Variants in DPH6 observed in about 807,000 individuals in gnomAD.
DPH6 encodes diphthamine biosynthesis 6, also known as diphthine--ammonia ligase.
Under a neutral mutation model 38.2 loss-of-function variants are expected in DPH6, and 33 were observed. That is an observed-to-expected ratio of 0.86 (90% confidence interval 0.65 to 1.15). The LOEUF (loss-of-function observed/expected upper bound fraction) is 1.15. Ranked by LOEUF, DPH6 falls within the 50% of genes most tolerant of loss-of-function variation. The pLI, the probability that DPH6 is intolerant of heterozygous loss-of-function variation, is 0.00. For synonymous variants in DPH6, 108 were observed against 103.0 expected, an observed-to-expected ratio of 1.05 and a Z score of -0.30; for missense variants, 325 against 320.0, an observed-to-expected ratio of 1.02 and a Z score of -0.12.
downstream of DPH6, among the ~76,000 whole-genome samples, chr15:35,216,344 T>C (rs986116232): frequency 3.9e-5 from 6 of 152,258 alleles, no homozygotes; most frequent in African/African-American, 1.4e-4. Context: ...TGATAGTATA[T>C]AGATTTGTTT....
At chr15:35,150,798 C>T in the DPH6 span, among the ~76,000 whole-genome samples, 2 of 152,148 alleles carry the variant, frequency 1.3e-5, no homozygotes, top group Non-Finnish European at 2.9e-5. Context: ...GATTTAGATG[C>T]TACTCGAAAG....
At chr15:35,542,966 A>ATATATATAT (rs60056293) in intron 1 of DPH6, among the ~76,000 whole-genome samples, 40 of 65,800 alleles carry the variant, frequency 6.1e-4, no homozygotes, top group Non-Finnish European at 7.8e-4. Flanking sequence ...ATATATATAT[A>ATATATATAT]AAATAATTTC....
At chr15:35,477,174 T>C (rs2141139903) in intron 3 of DPH6, among the ~76,000 whole-genome samples, 1 of 151,792 alleles carries the variant, frequency 6.6e-6, no homozygotes, top group East Asian at 1.9e-4. Context: ...ACCCTAGAGG[T>C]TTACTGCTAG....
chr15:35,151,726 C>G, the DPH6 span, among the ~76,000 whole-genome samples: 3 of 152,162 alleles, frequency 2.0e-5, no homozygotes, highest in Non-Finnish European at 4.4e-5. Flanking sequence ...CTGGGCCACC[C>G]TTGACCCTGA....
chr15:35,237,705 A>C, intron 3 of DPH6: 1 of 1,613,672 alleles, frequency 6.2e-7, no homozygotes, highest in Non-Finnish European at 8.5e-7. Context: ...GAGGTAACCA[A>C]CCTGAACGAC....
intron 3 of DPH6, among the ~76,000 whole-genome samples, chr15:35,488,044 C>G (rs2054428242): frequency 6.6e-6 from 1 of 152,140 alleles, no homozygotes; most frequent in Non-Finnish European, 1.5e-5. Context: ...CTTTGTAAAG[C>G]ATAGAAAGAA....
intron 6 of DPH6, among the ~76,000 whole-genome samples, chr15:35,385,485 G>A (rs2052939015): frequency 6.6e-6 from 1 of 152,088 alleles, no homozygotes; most frequent in Non-Finnish European, 1.5e-5. Context: ...GATGAAGCTG[G>A]AAACCATTCT....
intron 3 of DPH6, among the ~76,000 whole-genome samples, chr15:35,223,079 T>C (rs944607653): frequency 6.6e-6 from 1 of 152,194 alleles, no homozygotes; most frequent in Non-Finnish European, 1.5e-5. Context: ...TTAGTTTGCT[T>C]TGTGCTGCTA....
At chr15:35,483,735 T>C (rs1050593675) in intron 3 of DPH6, among the ~76,000 whole-genome samples, 18 of 152,340 alleles carry the variant, frequency 1.2e-4, no homozygotes, top group Admixed American at 1.2e-3. Context: ...ATAACTTATA[T>C]GTGAACATTC....
intron 6 of DPH6, chr15:35,401,199 C>G (rs2140977361): frequency 8.2e-7 from 1 of 1,217,736 alleles, no homozygotes; most frequent in Non-Finnish European, 1.2e-6. Flanking sequence ...CCCTGTCAAA[C>G]CAAGAGATGG....
At chr15:35,188,758 C>T in the DPH6 span, among the ~76,000 whole-genome samples, 1 of 152,008 alleles carries the variant, frequency 6.6e-6, no homozygotes, top group African/African-American at 2.4e-5. Context: ...GTGGTTCAAA[C>T]GTGAAGTCCC....
At chr15:35,496,591 T>TATATATATATATATATATATATATA (rs1595417564) in intron 3 of DPH6, among the ~76,000 whole-genome samples, 3 of 119,864 alleles carry the variant, frequency 2.5e-5, no homozygotes, top group Admixed American at 8.4e-5. Context: ...TATATATATA[T>TATATATATATATATATATATATATA]CCTCTACCAA....
At chr15:35,478,007 A>G (rs1032471654) in intron 3 of DPH6, among the ~76,000 whole-genome samples, 3 of 151,972 alleles carry the variant, frequency 2.0e-5, no homozygotes, top group African/African-American at 7.2e-5. Context: ...ATGATTAAAT[A>G]GCACACAGAG....
chr15:35,171,680 A>T, the DPH6 span, among the ~76,000 whole-genome samples: 1 of 151,926 alleles, frequency 6.6e-6, no homozygotes, highest in Middle Eastern at 3.2e-3. Context: ...CCCTATCAGT[A>T]ATGCTGGGGA....
chr15:35,474,156 G>C (rs2054236519), intron 3 of DPH6, among the ~76,000 whole-genome samples: 1 of 151,990 alleles, frequency 6.6e-6, no homozygotes, highest in Non-Finnish European at 1.5e-5. Context: ...CATCAACAAT[G>C]GCAAAATCCT....
At chr15:35,187,461 A>T in the DPH6 span, among the ~76,000 whole-genome samples, 1 of 152,162 alleles carries the variant, frequency 6.6e-6, no homozygotes, top group Non-Finnish European at 1.5e-5. Flanking sequence ...GATTTTTTTT[A>T]GTGGTAATTG....
chr15:35,286,900 C>G (rs183841671), intron 3 of DPH6, among the ~76,000 whole-genome samples: 1 of 152,216 alleles, frequency 6.6e-6, no homozygotes, highest in East Asian at 1.9e-4. Flanking sequence ...AAACTTCTGA[C>G]CAAGGCAAAT....
chr15:35,423,507 C>G (rs1381645267), intron 5 of DPH6, among the ~76,000 whole-genome samples: 1 of 151,608 alleles, frequency 6.6e-6, no homozygotes, highest in Non-Finnish European at 1.5e-5. Flanking sequence ...CCTTTTCACT[C>G]TGCTCTTTCC....
intron 3 of DPH6, among the ~76,000 whole-genome samples, chr15:35,350,180 T>C (rs929220851): frequency 1.3e-5 from 2 of 152,164 alleles, no homozygotes; most frequent in African/African-American, 2.4e-5. Flanking sequence ...CTTGGTAAAT[T>C]CCTAGGAATT....
Sources: gnomAD v4.1 joint callset for allele counts (sites outside exome capture counted in the v4.1 genomes callset) on GRCh38, gnomAD v4.1.1 for gene constraint, MANE v1.5 for transcripts, NCBI Gene and HGNC (gene_info 2026-07-23, HGNC 2026-07-21) for gene names.